DEAF1: variants seen among roughly 807,000 people sequenced by gnomAD.
DEAF1 encodes DEAF1 transcription factor.
A neutral mutation model predicts 58.9 loss-of-function variants in DEAF1; 53 were observed. The observed-to-expected ratio is 0.90, with a 90% CI of 0.72 to 1.13. The LOEUF is 1.13. DEAF1 is among the 50% of genes most tolerant of loss of function. The probability of loss-of-function intolerance (pLI) is 0.00; values close to 1 mark genes in which losing one functional copy is unlikely to be tolerated. For missense variants in DEAF1, 685 were observed against 791.4 expected, an observed-to-expected ratio of 0.87 and a Z score of 1.61; for synonymous variants, 385 against 340.4, an observed-to-expected ratio of 1.13 and a Z score of -1.44.
chr11:654,868 T>G (rs952507102), intron 10 of DEAF1, among the ~76,000 whole-genome samples: 3 of 144,198 alleles, frequency 2.1e-5, no homozygotes, highest in African/African-American at 7.9e-5. Context: ...GACTCCCATC[T>G]CAAAAAAAAA....
In DEAF1 at chr11:703,121, G is replaced by T. The variant is rs757037538; in HGVS notation, c.-438+3451C>A. On this transcript the variant is annotated intron_variant, in intron 1 of 11. Transcript: ENST00000683307. ...TCACGGCCTGGAGGCCGTCCTGCAG[G>T]TGGTTGCCATCGCGGCCTTCACCAG... 6 of 1,609,226 alleles carry T rather than the reference G, an allele frequency of 3.7e-6. No individual in the cohort carries two copies. The South Asian group carries it at 6.6e-5, about 18-fold the overall frequency.
chr11:695,717 C>T, upstream of DEAF1: 5 of 1,240,536 alleles, frequency 4.0e-6, no homozygotes, highest in Non-Finnish European at 5.1e-6. Context: ...TCCCGAAACG[C>T]GGCGCGGTCG....
At chr11:660,904 GC>G (rs998656844) in intron 10 of DEAF1, among the ~76,000 whole-genome samples, 39 of 152,262 alleles carry the variant, frequency 2.6e-4, no homozygotes, top group African/African-American at 9.4e-4. Context: ...GTTGGGAGAG[GC>G]CCCCGCAGGG....
intron 11 of DEAF1, among the ~76,000 whole-genome samples, chr11:645,746 C>T (rs534331461): frequency 6.6e-6 from 1 of 152,344 alleles, no homozygotes; most frequent in African/African-American, 2.4e-5. Context: ...CAGAACCAGG[C>T]TCTGCCTCCC....
chr11:671,138 C>T (rs1325512911), intron 10 of DEAF1, among the ~76,000 whole-genome samples: 2 of 151,468 alleles, frequency 1.3e-5, no homozygotes, highest in East Asian at 3.9e-4. Context: ...CCATGTTAGC[C>T]AGGATGGTCT....
chr11:669,548 C>T (rs1411343562), intron 10 of DEAF1, among the ~76,000 whole-genome samples: 8 of 150,390 alleles, frequency 5.3e-5, no homozygotes, highest in Admixed American at 5.3e-4. Context: ...AAGCAGGAGA[C>T]TCTCTTGAAC....
At chr11:667,122 C>T (rs761309785) in intron 10 of DEAF1, among the ~76,000 whole-genome samples, 6 of 151,806 alleles carry the variant, frequency 4.0e-5, no homozygotes, top group African/African-American at 9.7e-5. Flanking sequence ...ATCGCTTGAG[C>T]CAAGGAGTTT....
Position 678,821 on chromosome 11 carries a change from G to C in DEAF1, c.1128C>G (p.Val376=), listed in dbSNP as rs1346382669. Residue 376 remains valine, a splice_region_variant and synonymous_variant, in exon 9 of 12, where the codon GTC becomes GTG. Coordinates refer to ENST00000382409, the MANE Select transcript of DEAF1 (RefSeq NM_021008.4). ...ATGGGGGCTGCACGCTGGCCTCTTGGACTGTTGGGGAGAAAAAGGACAGGG... is the reference window on the plus strand; with the variant it reads ...ATGGGGGCTGCACGCTGGCCTCTTGCACTGTTGGGGAGAAAAAGGACAGGG... ...AQGDVFAGAT[V]QEASVQPPCR... is the part of the protein sequence containing the mutation. 2 of 1,613,966 alleles carry C rather than the reference G, an allele frequency of 1.2e-6. No homozygotes were observed. Among genetic ancestry groups the C allele is most frequent in the South Asian group, 2.2e-5 (2 of 91,050 alleles).
intron 9 of DEAF1, 31 bp downstream of exon 9, chr11:678,663 C>T (rs975383622): frequency 6.2e-7 from 1 of 1,613,600 alleles, no homozygotes; most frequent in East Asian, 2.2e-5. Flanking sequence ...AGGACAATAA[C>T]CTGTACATGT....
upstream of DEAF1, chr11:695,855 G>C: frequency 4.9e-6 from 6 of 1,228,702 alleles, no homozygotes; most frequent in Non-Finnish European, 6.1e-6. Flanking sequence ...AGGTGAGCTC[G>C]GGCGGGGTGG....
upstream of DEAF1, chr11:698,719 G>A: frequency 3.4e-6 from 3 of 891,044 alleles, no homozygotes; most frequent in Admixed American, 1.7e-5. Context: ...GAGCTATCTA[G>A]TGGCAGGCCC....
At chr11:701,028 C>T in intron 1 of DEAF1, 1 of 418,094 alleles carries the variant, frequency 2.4e-6, no homozygotes, top group Non-Finnish European at 4.4e-6. Flanking sequence ...GAATATTCAC[C>T]AGCACCCCTT....
rs546249614 is a variant in DEAF1 at position 654,507 on chromosome 11, G to C, written c.1504-456C>G. 4.4e-5 allele frequency: 20 copies of C among 455,336 alleles called. No individual in the cohort carries two copies. The East Asian group carries it at 1.3e-3, about 29-fold the overall frequency. The allele number at this position is 455,336 out of a possible 1,614,324, so 28.2% of individuals were successfully genotyped here. On this transcript the variant is annotated intron_variant, in intron 10 of 11. Transcript: ENST00000382409. ...TGCGCCTCTGCCCCAGTGCTGCTCA[G>C]AACGTTCTTGTCACCTCCAGAATCA...
At chr11:678,973 C>T (rs7935419) in intron 8 of DEAF1, 151 bp from the exon 9 acceptor site, 855,677 of 1,009,522 alleles carry the variant, frequency 0.85, 368,486 homozygotes, top group Admixed American at 0.88. Flanking sequence ...GATCCTGAAT[C>T]GTTGACATAA....
At chr11:691,408 A>C (rs753887079) in intron 2 of DEAF1, 93 bp downstream of exon 2, 75 of 1,183,808 alleles carry the variant, frequency 6.3e-5, no homozygotes, top group Non-Finnish European at 8.7e-5. Flanking sequence ...AGACGTTCAC[A>C]CAGCGGGCTG....
chr11:652,810 C>T (rs542847126), intron 11 of DEAF1, among the ~76,000 whole-genome samples: 3 of 152,020 alleles, frequency 2.0e-5, no homozygotes, highest in African/African-American at 7.2e-5. Context: ...CTGCTGGGAA[C>T]AGTAGCTCAC....
chr11:691,605 C>A lies in DEAF1; in HGVS notation c.290-7G>T. 6.2e-7 allele frequency: 1 copy of A among 1,612,788 alleles called. No individual in the cohort carries two copies. Among genetic ancestry groups the A allele is most frequent in the Non-Finnish European group, 8.5e-7 (1 of 1,179,630 alleles). ...ACTGTCACTGTGGTCACCTCTGCAA[C>A]AGAAGGAGCCTCATTTAACAAGCAA... On this transcript the variant is annotated splice_polypyrimidine_tract_variant and splice_region_variant and intron_variant, in intron 1 of 11. Transcript: ENST00000382409.
chr11:704,546 A>T (rs1403141059), intron 1 of DEAF1: 11 of 1,289,228 alleles, frequency 8.5e-6, no homozygotes, highest in African/African-American at 6.1e-5. Flanking sequence ...GCAGAAGACC[A>T]GCTGGGCACA....
At position 679,691 on chromosome 11, in the gene DEAF1, T is replaced by C. The variant is rs1135401947; in HGVS notation, c.1123A>G (p.Thr375Ala). The change falls in exon 8 of 12, where the codon ACA (threonine) becomes GCA (alanine). Residue 375 changes from threonine to alanine, a missense_variant. Physicochemically the swap from Thr to Ala is moderately conservative, Grantham distance 58. This residue lies in a region of DEAF1 where 343 missense variants were observed against 379.8 expected (regional missense o/e 0.90). Coordinates refer to ENST00000382409, the MANE Select transcript of DEAF1 (RefSeq NM_021008.4). ...PAQGDVFAGA[T>A]VQEASVQPPC... The stretch of plus-strand genomic sequence containing the variant: ...GGCAGGCACTGGAGCAGCTCACCTG[T>C]GGCCCCTGCGAAGACGTCGCCCTGG... 3 of 1,612,116 alleles carry C rather than the reference T, an allele frequency of 1.9e-6. No homozygotes were observed. Among genetic ancestry groups the C allele is most frequent in the Non-Finnish European group, 2.5e-6 (3 of 1,180,026 alleles).
Sources: gnomAD v4.1 joint callset for allele counts (sites outside exome capture counted in the v4.1 genomes callset) on GRCh38, gnomAD v4.1.1 for gene constraint, gnomAD v4.1.1 regional missense constraint, MANE v1.5 for transcripts, NCBI Gene and HGNC (gene_info 2026-07-23, HGNC 2026-07-21) for gene names.